PRKD1: variants seen among roughly 807,000 people sequenced by gnomAD.
The protein encoded by PRKD1 is protein kinase D1.
PRKD1 carries 63 observed loss-of-function variants against 95.9 expected under a neutral mutation model. The observed-to-expected ratio is 0.66, with a 90% CI of 0.54 to 0.81. The LOEUF is 0.81. PRKD1 is among the 30% of genes least tolerant of loss of function. The pLI, the probability that PRKD1 is intolerant of heterozygous loss-of-function variation, is 0.00. For missense variants in PRKD1, 1,048 were observed against 1,165.3 expected (o/e 0.90, Z 1.47); for synonymous variants, 425 against 423.1 (o/e 1.00, Z -0.05).
intron 13 of PRKD1, among the ~76,000 whole-genome samples, chr14:29,618,163 CTTTTAT>C (rs1263875923): frequency 1.3e-5 from 2 of 152,018 alleles, no homozygotes; most frequent in East Asian, 3.9e-4. Context: ...ACAAAACATC[CTTTTAT>C]TTTTATCTTG....
chr14:29,726,479 G>T (rs965974638), intron 1 of PRKD1, among the ~76,000 whole-genome samples: 1 of 152,134 alleles, frequency 6.6e-6, no homozygotes, highest in Admixed American at 6.5e-5. Flanking sequence ...TGCAAACTCA[G>T]GGAAAAAGAA....
intron 2 of PRKD1, among the ~76,000 whole-genome samples, chr14:29,668,668 T>C (rs1373716480): frequency 6.6e-6 from 1 of 152,194 alleles, no homozygotes; most frequent in Non-Finnish European, 1.5e-5. Flanking sequence ...ATAAGGCTTC[T>C]GAAGCAAAAT....
intron 13 of PRKD1, among the ~76,000 whole-genome samples, chr14:29,623,325 C>G (rs1879400836): frequency 6.6e-6 from 1 of 152,034 alleles, no homozygotes; most frequent in Non-Finnish European, 1.5e-5. Context: ...AGGTTTTTAT[C>G]ATATGAAACT....
At chr14:29,862,212 CT>C in intron 1 of PRKD1, among the ~76,000 whole-genome samples, 1 of 152,302 alleles carries the variant, frequency 6.6e-6, no homozygotes. Context: ...GACTAAATCT[CT>C]TTCTTTTTTG....
At chr14:29,758,151 C>A (rs987632563) in intron 1 of PRKD1, among the ~76,000 whole-genome samples, 1 of 151,358 alleles carries the variant, frequency 6.6e-6, no homozygotes, top group Non-Finnish European at 1.5e-5. Flanking sequence ...AAAAAACTCT[C>A]CCTACCAAGA....
At chr14:29,834,239 A>G (rs188540035) in intron 1 of PRKD1, among the ~76,000 whole-genome samples, 89 of 152,248 alleles carry the variant, frequency 5.8e-4, no homozygotes, top group African/African-American at 2.1e-3. Context: ...TAGTAGAAGA[A>G]TAAGTTCATC....
At chr14:29,579,349 C>A (rs762474192) in intron 16 of PRKD1, among the ~76,000 whole-genome samples, 1 of 151,888 alleles carries the variant, frequency 6.6e-6, no homozygotes, top group Non-Finnish European at 1.5e-5. Context: ...GTGAAATCTG[C>A]CAACCTAATA....
intron 1 of PRKD1, among the ~76,000 whole-genome samples, chr14:29,855,109 C>G (rs1443539538): frequency 1.3e-5 from 2 of 152,198 alleles, no homozygotes; most frequent in African/African-American, 2.4e-5. Context: ...TCAACAGAGT[C>G]CCTACTGGGG....
At chr14:29,734,165 C>T (rs533139064) in intron 1 of PRKD1, among the ~76,000 whole-genome samples, 3 of 150,612 alleles carry the variant, frequency 2.0e-5, no homozygotes, top group Admixed American at 1.3e-4. Context: ...GCCTCAGCCT[C>T]CCGAGTAGCT....
chr14:29,612,046 A>G (rs1196667018), intron 13 of PRKD1, among the ~76,000 whole-genome samples: 1 of 152,190 alleles, frequency 6.6e-6, no homozygotes, highest in Non-Finnish European at 1.5e-5. Context: ...ATGATATGCT[A>G]AATAATGTGT....
At chr14:29,766,856 T>C (rs896717562) in intron 1 of PRKD1, among the ~76,000 whole-genome samples, 8 of 152,184 alleles carry the variant, frequency 5.3e-5, no homozygotes, top group Admixed American at 6.5e-5. Context: ...AATTGTTGCA[T>C]ATTCTCTGGA....
At chr14:29,837,504 A>G (rs1434147930) in intron 1 of PRKD1, among the ~76,000 whole-genome samples, 2 of 152,200 alleles carry the variant, frequency 1.3e-5, no homozygotes, top group East Asian at 3.8e-4. Flanking sequence ...CCATTTGTAA[A>G]AACTCTTGAG....
chr14:29,741,601 A>C (rs1213803749), intron 1 of PRKD1, among the ~76,000 whole-genome samples: 1 of 152,084 alleles, frequency 6.6e-6, no homozygotes, highest in Admixed American at 6.5e-5. Context: ...TAGTTAAAAA[A>C]CGTCAGATAA....
chr14:29,832,873 C>G (rs780945624), intron 1 of PRKD1, among the ~76,000 whole-genome samples: 1 of 151,964 alleles, frequency 6.6e-6, no homozygotes, highest in South Asian at 2.1e-4. Flanking sequence ...TTATTAATGG[C>G]CCCATTTGTG....
At chr14:29,700,145 T>G (rs1255922048) in intron 2 of PRKD1, among the ~76,000 whole-genome samples, 3 of 152,028 alleles carry the variant, frequency 2.0e-5, no homozygotes, top group Non-Finnish European at 4.4e-5. Context: ...TATTTTGTCA[T>G]TATACCCCTA....
intron 1 of PRKD1, among the ~76,000 whole-genome samples, chr14:29,860,605 T>C (rs17096094): frequency 0.033 from 4,988 of 152,302 alleles, 121 homozygotes; most frequent in East Asian, 0.12. Context: ...GTTTTACAGC[T>C]ATAACTTTAG....
At chr14:29,709,734 C>A (rs997687359) in intron 2 of PRKD1, among the ~76,000 whole-genome samples, 3 of 151,976 alleles carry the variant, frequency 2.0e-5, no homozygotes, top group Admixed American at 1.3e-4. Context: ...GCAAAATTTC[C>A]CTAGTCATTC....
chr14:29,631,905 G>A (rs549904035), intron 9 of PRKD1, among the ~76,000 whole-genome samples: 5 of 151,970 alleles, frequency 3.3e-5, no homozygotes, highest in African/African-American at 1.2e-4. Context: ...AGATTAAGGT[G>A]ATTCTCCTGC....
rs537202852 is a variant in PRKD1 at position 29,638,345 on chromosome 14, A to G, written c.985+144T>C. 2.5e-5 allele frequency: 19 copies of G among 745,418 alleles called. No homozygotes were observed. The African/African-American group carries it at 3.0e-4, about 12-fold the overall frequency. The allele number at this position is 745,418 out of a possible 1,614,324, so 46.2% of individuals were successfully genotyped here. A position where few individuals can be genotyped will look rare whatever the true frequency, so the allele number is the denominator to read the frequency against. On this transcript the variant is annotated intron_variant, in intron 6 of 17. Transcript: ENST00000331968. Reference sequence around the variant, plus strand: ...CATGGATGCTTTTCTATTGTAAAGTAGAACAAACACTGGCCATAATTTACT... The same window carrying G: ...CATGGATGCTTTTCTATTGTAAAGTGGAACAAACACTGGCCATAATTTACT...
Sources: allele counts gnomAD v4.1 joint callset (sites outside exome capture counted in the v4.1 genomes callset), GRCh38; gene constraint gnomAD v4.1.1; transcripts MANE v1.5; gene names NCBI Gene and HGNC (gene_info 2026-07-23, HGNC 2026-07-21).